DPP6: variants seen among roughly 807,000 people sequenced by gnomAD.
The protein encoded by DPP6 is A-type potassium channel modulatory protein DPP6.
In DPP6, 69 loss-of-function variants were observed where a neutral mutation model predicts 122.6. The ratio of observed to expected loss-of-function variants is 0.56; its 90% CI spans 0.46 to 0.69. The LOEUF (loss-of-function observed/expected upper bound fraction) is 0.69, where lower values mean the gene tolerates loss of function less well. Ranked by LOEUF, DPP6 falls within the 30% of genes least tolerant of loss-of-function variation. The pLI is 0.00. For synonymous variants in DPP6, 418 were observed against 433.1 expected (o/e 0.97, Z 0.43); for missense variants, 928 against 1,116.9 (o/e 0.83, Z 2.41).
chr7:153,918,864 A>G (rs1053716719), intron 1 of DPP6, among the ~76,000 whole-genome samples: 1 of 151,114 alleles, frequency 6.6e-6, no homozygotes, highest in African/African-American at 2.4e-5. Context: ...CTGTAATTCC[A>G]GCTACTTGGG....
chr7:153,919,389 G>T (rs1800528460), intron 1 of DPP6, among the ~76,000 whole-genome samples: 1 of 152,150 alleles, frequency 6.6e-6, no homozygotes, highest in South Asian at 2.1e-4. Context: ...AAGGAAAGCT[G>T]GTTCCAGGAG....
the DPP6 span, among the ~76,000 whole-genome samples, chr7:153,805,811 T>TACATCA: frequency 6.6e-6 from 1 of 151,738 alleles, no homozygotes; most frequent in African/African-American, 2.4e-5. Flanking sequence ...ATGAGAACAC[T>TACATCA]TGGACACAGG....
At chr7:154,881,683 T>C (rs1358439309) in intron 21 of DPP6, among the ~76,000 whole-genome samples, 1 of 152,196 alleles carries the variant, frequency 6.6e-6, no homozygotes, top group Non-Finnish European at 1.5e-5. Flanking sequence ...CAGTGCCTCT[T>C]ACGTCATCGC....
At chr7:154,714,470 A>G (rs200623099) in intron 7 of DPP6, among the ~76,000 whole-genome samples, 1 of 152,204 alleles carries the variant, frequency 6.6e-6, no homozygotes, top group South Asian at 2.1e-4. Flanking sequence ...CTGCATGGCT[A>G]GGGAGGCCTC....
rs1016263764 is a variant in DPP6, at chr7:154,624,201, G to C, written c.628-13620G>C. 1.2e-4 allele frequency among the ~76,000 whole-genome samples: 18 copies of C among 152,092 alleles called. No homozygotes were observed. The highest frequency in any genetic ancestry group is 4.1e-4 in the African/African-American group (17 of 41,414). ...AAATCAGCCAGACGTGGTGGCGGGTGCCTATAAATCCAGCTACTTGGGAGG... is the reference window on the plus strand; with the variant it reads ...AAATCAGCCAGACGTGGTGGCGGGTCCCTATAAATCCAGCTACTTGGGAGG... On this transcript the variant is annotated intron_variant, in intron 5 of 25. Transcript: ENST00000377770. The surrounding 1 kb of genome is among the most constrained non-coding windows in gnomAD (Gnocchi z 4.7).
Position 154,241,475 on chromosome 7 carries a change from G to A in DPP6, c.243+188412G>A, listed in dbSNP as rs1037841570. 7.2e-5 allele frequency among the ~76,000 whole-genome samples: 11 copies of A among 151,858 alleles called. No homozygotes were observed. The highest frequency in any genetic ancestry group is 6.6e-4 in the Admixed American group (10 of 15,230). On this transcript the variant is annotated intron_variant, in intron 1 of 25. Transcript: ENST00000377770. This position sits in a 1 kb window ranked among gnomAD's most constrained non-coding sequence, Gnocchi z 9.0. ...TTTGGGAGGCGGAGGCAGGAGAATC[G>A]CTTGAACCCAGGAGAAGGAGGTTGC...
intron 1 of DPP6, among the ~76,000 whole-genome samples, chr7:153,925,296 C>T (rs1315769529): frequency 6.6e-6 from 1 of 151,008 alleles, no homozygotes; most frequent in Non-Finnish European, 1.5e-5. Flanking sequence ...GGGAGATCAT[C>T]CCGCATGGTG....
the DPP6 span, among the ~76,000 whole-genome samples, chr7:153,881,321 C>T: frequency 6.6e-6 from 1 of 152,118 alleles, no homozygotes; most frequent in African/African-American, 2.4e-5. Context: ...GCCAACATAG[C>T]CCTTGTAATA....
Position 154,241,731 on chromosome 7 carries a change from C to T in DPP6, c.243+188668C>T, listed in dbSNP as rs1801631421. 6.6e-6 allele frequency among the ~76,000 whole-genome samples: 1 copy of T among 152,172 alleles called. No individual in the cohort carries two copies. Among genetic ancestry groups the T allele is most frequent in the Non-Finnish European group, 1.5e-5 (1 of 68,026 alleles). ...GAAATTTCCCGAAGCTAACACGTGTCTAACCTGTTTCCCATATTATGTTTT... is the reference window on the plus strand; with the variant it reads ...GAAATTTCCCGAAGCTAACACGTGTTTAACCTGTTTCCCATATTATGTTTT... On this transcript the variant is annotated intron_variant, in intron 1 of 25. Transcript: ENST00000377770. This position sits in a 1 kb window ranked among gnomAD's most constrained non-coding sequence, Gnocchi z 9.0.
At position 154,755,373 on chromosome 7, in the gene DPP6, G is replaced by A. The variant is rs1475725766; in HGVS notation, c.884-14044G>A. Among the ~76,000 whole-genome samples the A allele has an allele frequency of 6.6e-6, 1 of 152,138 alleles. No homozygotes were observed. Among genetic ancestry groups the A allele is most frequent in the African/African-American group, 2.4e-5 (1 of 41,412 alleles). On this transcript the variant is annotated intron_variant, in intron 8 of 25. Transcript: ENST00000377770. The surrounding 1 kb of genome is among the most constrained non-coding windows in gnomAD (Gnocchi z 4.7). ...ACTGGGGTTGTCATGGGAGACAGGTGAGGAGACTGGAGACAGGCAGGTGCA... is the reference window on the plus strand; with the variant it reads ...ACTGGGGTTGTCATGGGAGACAGGTAAGGAGACTGGAGACAGGCAGGTGCA...
Position 154,061,644 on chromosome 7 carries a change from G to A in DPP6, c.243+8581G>A, listed in dbSNP as rs372281506. The stretch of plus-strand genomic sequence containing the variant: ...GGGGGGGAGGCACCCGCTGCGAGGC[G>A]GGGACTCAGAGCCAACCCCTCTTCC... On this transcript the variant is annotated intron_variant, in intron 1 of 25. Transcript: ENST00000377770. Among the ~76,000 whole-genome samples, 220 of 128,344 alleles carry A rather than the reference G, an allele frequency of 1.7e-3. 4 individuals are homozygous for A. The highest frequency in any genetic ancestry group is 0.012 in the South Asian group (46 of 3,688). 84.2% of individuals were successfully genotyped at this position (128,344 alleles called of 152,430 possible).
At chr7:154,853,889 CTA>C (rs2150579403) in intron 17 of DPP6, 62 bp downstream of exon 17, 1 of 1,602,082 alleles carries the variant, frequency 6.2e-7, no homozygotes, top group East Asian at 2.2e-5. Flanking sequence ...GCAAAACACT[CTA>C]TGAGATCAGC....
intron 3 of DPP6, among the ~76,000 whole-genome samples, chr7:154,503,937 A>G (rs1308622787): frequency 6.6e-6 from 1 of 152,192 alleles, no homozygotes; most frequent in African/African-American, 2.4e-5. Flanking sequence ...CATCCTGCAC[A>G]TGTACCCTGA....
chr7:154,659,115 C>T (rs1837455992), intron 6 of DPP6, among the ~76,000 whole-genome samples: 1 of 152,176 alleles, frequency 6.6e-6, no homozygotes, highest in Non-Finnish European at 1.5e-5. Flanking sequence ...GAATCTGATA[C>T]CCTGCAAGAA....
At chr7:154,060,805 G>C (rs868806355) in intron 1 of DPP6, among the ~76,000 whole-genome samples, 1 of 98,436 alleles carries the variant, frequency 1.0e-5, no homozygotes, top group Non-Finnish European at 1.9e-5. Context: ...GGAGGGGGAC[G>C]CACCCCCCAT....
intron 3 of DPP6, among the ~76,000 whole-genome samples, chr7:154,525,802 G>C (rs1355443387): frequency 6.7e-6 from 1 of 149,108 alleles, no homozygotes; most frequent in Admixed American, 6.6e-5. Flanking sequence ...TCTCTTTTTG[G>C]AAACACCTAC....
At chr7:154,383,228 G>A (rs1210815871) in intron 1 of DPP6, among the ~76,000 whole-genome samples, 1 of 152,200 alleles carries the variant, frequency 6.6e-6, no homozygotes, top group Non-Finnish European at 1.5e-5. Flanking sequence ...GGCTGAAGTG[G>A]AAATGTGAAT....
At chr7:154,278,875 A>G (rs1804309751) in intron 1 of DPP6, among the ~76,000 whole-genome samples, 1 of 145,582 alleles carries the variant, frequency 6.9e-6, no homozygotes. Flanking sequence ...GTATATGAGC[A>G]TGTGTGAGTA....
chr7:154,634,000 C>CT (rs57061045), intron 5 of DPP6, among the ~76,000 whole-genome samples: 257 of 142,872 alleles, frequency 1.8e-3, no homozygotes, highest in African/African-American at 4.8e-3. Flanking sequence ...TTCAGCCTTT[C>CT]TTTTTTTTTT....
Sources: allele counts gnomAD v4.1 joint callset (sites outside exome capture counted in the v4.1 genomes callset), GRCh38; gene constraint gnomAD v4.1.1; non-coding constraint Gnocchi (gnomAD v3.1); transcripts MANE v1.5; gene names NCBI Gene and HGNC (gene_info 2026-07-23, HGNC 2026-07-21).